CACNA1A: variants seen among roughly 807,000 people sequenced by gnomAD.
CACNA1A encodes calcium voltage-gated channel subunit alpha1 A.
CACNA1A carries 57 observed loss-of-function variants against 262.4 expected under a neutral mutation model. That is an observed-to-expected ratio of 0.22 (90% CI 0.18 to 0.27). The LOEUF (loss-of-function observed/expected upper bound fraction) is 0.27. CACNA1A is among the 10% of genes least tolerant of loss of function. The probability of loss-of-function intolerance (pLI) is 1.00; values close to 1 mark genes in which losing one functional copy is unlikely to be tolerated. For missense variants in CACNA1A, 2,526 were observed against 3,562.8 expected (o/e 0.71, Z 7.41); for synonymous variants, 1,431 against 1,419.3 (o/e 1.01, Z -0.18).
intron 1 of CACNA1A, among the ~76,000 whole-genome samples, chr19:13,460,169 G>T (rs994955560): frequency 6.6e-6 from 1 of 152,172 alleles, no homozygotes; most frequent in Non-Finnish European, 1.5e-5. Flanking sequence ...ACCAGCACCG[G>T]TTAGGAATGC....
chr19:13,354,874 T>TC (rs1568565104), intron 6 of CACNA1A, among the ~76,000 whole-genome samples: 143 of 65,470 alleles, frequency 2.2e-3, no homozygotes, highest in African/African-American at 6.4e-3. Flanking sequence ...TTTTTCTTTT[T>TC]TTTTTTTTTT....
At chr19:13,352,975 G>C (rs2058942872) in intron 6 of CACNA1A, among the ~76,000 whole-genome samples, 1 of 151,962 alleles carries the variant, frequency 6.6e-6, no homozygotes, top group African/African-American at 2.4e-5. Flanking sequence ...GTTTCGCCAT[G>C]TTGGCCAGGC....
intron 10 of CACNA1A, among the ~76,000 whole-genome samples, chr19:13,320,197 C>A (rs1262557639): frequency 6.7e-6 from 1 of 149,958 alleles, no homozygotes; most frequent in African/African-American, 2.4e-5. Context: ...AGAAATAAGA[C>A]CCTTGGGACC....
chr19:13,353,299 G>GC (rs367763568), intron 6 of CACNA1A, among the ~76,000 whole-genome samples: 1 of 135,080 alleles, frequency 7.4e-6, no homozygotes, highest in Non-Finnish European at 1.6e-5. Context: ...TTGTATTTTT[G>GC]TTTTTTTTTT....
At chr19:13,337,128 C>T (rs1368663811) in intron 6 of CACNA1A, among the ~76,000 whole-genome samples, 2 of 152,210 alleles carry the variant, frequency 1.3e-5, no homozygotes, top group Non-Finnish European at 2.9e-5. Flanking sequence ...TCATAATCTG[C>T]CAATGGGAGG....
intron 24 of CACNA1A, among the ~76,000 whole-genome samples, chr19:13,266,821 C>T (rs1013956266): frequency 1.3e-5 from 2 of 152,086 alleles, no homozygotes; most frequent in African/African-American, 2.4e-5. Context: ...GTGATCTACC[C>T]GCCTCGGCCT....
intron 40 of CACNA1A, among the ~76,000 whole-genome samples, chr19:13,213,235 C>T (rs1032625731): frequency 8.5e-5 from 13 of 152,182 alleles, no homozygotes; most frequent in African/African-American, 2.7e-4. Flanking sequence ...AACCCAGGCA[C>T]GGTCCAGCCT....
rs1490440224 is a variant in CACNA1A, at chr19:13,214,371, C to T, written c.5840-38G>A. On this transcript the variant is annotated intron_variant, in intron 39 of 46. Coordinates refer to ENST00000360228, the MANE Select transcript of CACNA1A (RefSeq NM_001127222.2). The surrounding 1 kb of genome is among the most constrained non-coding windows in gnomAD (Gnocchi z 4.1). ...ACACGGTGAGCTCACCAAGGGCAGG[C>T]CTCTTTGGGGCCCTTGTCCTGGGTC... 6.2e-7 allele frequency: 1 copy of T among 1,600,368 alleles called. No individual in the cohort carries two copies. The highest frequency in any genetic ancestry group is 1.3e-5 in the African/African-American group (1 of 74,718).
intron 31 of CACNA1A, among the ~76,000 whole-genome samples, chr19:13,237,203 C>A (rs745644107): frequency 6.6e-6 from 1 of 151,988 alleles, no homozygotes; most frequent in Non-Finnish European, 1.5e-5. Flanking sequence ...GAGTTTGAGA[C>A]CCCAGCCTCA....
intron 6 of CACNA1A, among the ~76,000 whole-genome samples, chr19:13,351,467 A>G (rs1010710898): frequency 6.6e-6 from 1 of 151,864 alleles, no homozygotes; most frequent in Non-Finnish European, 1.5e-5. Context: ...TCAGCCTCCC[A>G]AGTAGCTGGA....
chr19:13,348,609 G>A (rs549664502), intron 6 of CACNA1A, among the ~76,000 whole-genome samples: 2 of 152,262 alleles, frequency 1.3e-5, no homozygotes, highest in South Asian at 2.1e-4. Flanking sequence ...AGGCCAAGGC[G>A]GGCGAATCAT....
At chr19:13,338,911 G>A (rs1173034943) in intron 6 of CACNA1A, among the ~76,000 whole-genome samples, 2 of 152,126 alleles carry the variant, frequency 1.3e-5, no homozygotes, top group African/African-American at 2.4e-5. Context: ...TGTTGCCGAG[G>A]CTGGAGTGCA....
chr19:13,267,700 T>C (rs1245211566), intron 24 of CACNA1A, among the ~76,000 whole-genome samples: 1 of 152,040 alleles, frequency 6.6e-6, no homozygotes, highest in African/African-American at 2.4e-5. Context: ...CCCAGCACCT[T>C]GGGAGGACGA....
At chr19:13,479,805 A>C (rs974334325) in intron 1 of CACNA1A, among the ~76,000 whole-genome samples, 5 of 152,242 alleles carry the variant, frequency 3.3e-5, no homozygotes, top group Admixed American at 3.3e-4. Context: ...TAAGAAAGGA[A>C]GGGCAAAGAA....
chr19:13,261,232 A>T (rs977922948), intron 26 of CACNA1A: 9 of 485,412 alleles, frequency 1.9e-5, no homozygotes, highest in African/African-American at 1.7e-4. Flanking sequence ...CTGAAAGGTC[A>T]ATCAATTTGC....
intron 3 of CACNA1A, among the ~76,000 whole-genome samples, chr19:13,402,397 A>T (rs1230304238): frequency 6.6e-6 from 1 of 152,150 alleles, no homozygotes; most frequent in Non-Finnish European, 1.5e-5. Flanking sequence ...GAAGAGTAGG[A>T]GGTGAGCACT....
At chr19:13,218,713 G>A (rs368165556) in intron 38 of CACNA1A, among the ~76,000 whole-genome samples, 1 of 152,104 alleles carries the variant, frequency 6.6e-6, no homozygotes, top group East Asian at 1.9e-4. Flanking sequence ...GGAGTAGCTG[G>A]GACTACAGGT....
intron 38 of CACNA1A, among the ~76,000 whole-genome samples, chr19:13,223,419 C>T (rs543145046): frequency 6.6e-6 from 1 of 151,804 alleles, no homozygotes; most frequent in Non-Finnish European, 1.5e-5. Flanking sequence ...GTCATCCTGA[C>T]CTCAAGTAAT....
At chr19:13,503,701 C>T (rs954420224) in intron 1 of CACNA1A, among the ~76,000 whole-genome samples, 1 of 149,886 alleles carries the variant, frequency 6.7e-6, no homozygotes, top group Non-Finnish European at 1.5e-5. Context: ...TGACCCAGCT[C>T]GATGACAGAT....
Sources: allele counts gnomAD v4.1 joint callset (sites outside exome capture counted in the v4.1 genomes callset), GRCh38; gene constraint gnomAD v4.1.1; non-coding constraint Gnocchi (gnomAD v3.1); transcripts MANE v1.5; gene names NCBI Gene and HGNC (gene_info 2026-07-23, HGNC 2026-07-21).